Variants in XPNPEP2 observed in about 807,000 individuals in gnomAD.
The protein encoded by XPNPEP2 is X-prolyl aminopeptidase 2, also known as xaa-Pro aminopeptidase 2.
A neutral mutation model predicts 59.8 loss-of-function variants in XPNPEP2; 64 were observed. The observed-to-expected ratio is 1.07, with a 90% CI of 0.87 to 1.32. The LOEUF is 1.32. Ranked by LOEUF, XPNPEP2 falls within the 40% of genes most tolerant of loss-of-function variation. XPNPEP2 has a pLI of 0.00. For missense variants in XPNPEP2, 575 were observed against 546.8 expected, an observed-to-expected ratio of 1.05 and a Z score of -0.51; for synonymous variants, 235 against 210.0, an observed-to-expected ratio of 1.12 and a Z score of -1.03.
intron 19 of XPNPEP2, among the ~76,000 whole-genome samples, chrX:129,764,025 T>A (rs1790289587): frequency 9.1e-6 from 1 of 109,928 alleles, no homozygotes; most frequent in Non-Finnish European, 1.9e-5. Flanking sequence ...CTATATCAAT[T>A]CATTTATAAT....
intron 8 of XPNPEP2, 30 bp downstream of exon 8, chrX:129,750,599 C>G: frequency 2.7e-6 from 3 of 1,127,857 alleles, no homozygotes; most frequent in Middle Eastern, 3.4e-4. Context: ...CATGGGTGGG[C>G]GCCTGGGTCT....
At position 129,753,150 on chromosome X, in the gene XPNPEP2, C is replaced by T. The variant is rs771523416; in HGVS notation, c.1018-9C>T. On this transcript the variant is annotated splice_polypyrimidine_tract_variant and intron_variant, in intron 10 of 20. Coordinates refer to ENST00000371106, the MANE Select transcript of XPNPEP2 (RefSeq NM_003399.6). ...CCAGACCTCCTTTTCTCCTCCCTGCCCCCAACAGGAGAAACTCGTGACAGA... is the reference window on the plus strand; with the variant it reads ...CCAGACCTCCTTTTCTCCTCCCTGCTCCCAACAGGAGAAACTCGTGACAGA... 44 of 1,208,794 alleles carry T rather than the reference C, an allele frequency of 3.6e-5. No individual in the cohort carries two copies. The highest frequency in any genetic ancestry group is 4.9e-5 in the Non-Finnish European group (44 of 892,961).
chrX:129,745,656 C>T (rs916790772), intron 4 of XPNPEP2, among the ~76,000 whole-genome samples: 6 of 111,749 alleles, frequency 5.4e-5, no homozygotes, highest in East Asian at 2.8e-4. Flanking sequence ...GGTTGTTTTA[C>T]GGACAACATC....
At chrX:129,767,255 C>T (rs1926767165) in intron 19 of XPNPEP2, among the ~76,000 whole-genome samples, 1 of 112,137 alleles carries the variant, frequency 8.9e-6, no homozygotes, top group African/African-American at 3.2e-5. Context: ...GATTTCTGGG[C>T]CCTGCCCTAA....
intron 14 of XPNPEP2, among the ~76,000 whole-genome samples, chrX:129,758,086 G>A (rs1926589133): frequency 9.0e-6 from 1 of 111,213 alleles, no homozygotes; most frequent in African/African-American, 3.3e-5. Context: ...GGAAGCGTGG[G>A]GTGGGACAAA....
At chrX:129,757,377 G>A (rs1926545726) in intron 14 of XPNPEP2, among the ~76,000 whole-genome samples, 1 of 110,734 alleles carries the variant, frequency 9.0e-6, no homozygotes, top group Non-Finnish European at 1.9e-5. Flanking sequence ...CCAACGTCAT[G>A]CAGACTCCTC....
At position 129,739,410 on chromosome X, in the gene XPNPEP2, TG is replaced by T. The variant is rs767207660; in HGVS notation, c.49+153del. 1.8e-5 allele frequency: 10 copies of T among 541,200 alleles called. No homozygotes were observed. In the East Asian group the frequency reaches 3.0e-4, roughly 16 times the overall value. 44.6% of individuals were successfully genotyped at this position (541,200 alleles called of 1,213,427 possible). On this transcript the variant is annotated intron_variant, in intron 1 of 20. Coordinates refer to ENST00000371106, the MANE Select transcript of XPNPEP2 (RefSeq NM_003399.6). ...GGAAGAGACACCTCAGGGCCAGTGT[TG>T]GGGGCCCTCATAACTTGGATCGAGT... is the stretch of plus-strand genomic sequence containing the variant.
chrX:129,742,201 C>A lies in XPNPEP2; in HGVS notation c.123+20C>A, dbSNP rs755952225. The A allele has an allele frequency of 1.0e-6, 1 of 957,012 alleles. No homozygotes were observed. Among genetic ancestry groups the A allele is most frequent in the East Asian group, 4.5e-5 (1 of 22,393 alleles). The allele number at this position is 957,012 out of a possible 1,213,427, so 78.9% of individuals were successfully genotyped here. A position where few individuals can be genotyped will look rare whatever the true frequency, so the allele number is the denominator to read the frequency against. ...CCCCCTGTGAGTGCCCCCTGCCCCC[C>A]GCGCACGGCCCCCCTGGCCCCACGC... On this transcript the variant is annotated intron_variant, in intron 2 of 20. Transcript: ENST00000371106.
In XPNPEP2 at chrX:129,754,386, C is replaced by T. The variant is rs748155311; in HGVS notation, c.1108-86C>T. ...TTTTCAAAGCTCCACATCCTGGAGC[C>T]GCTATCTGATCTCCATCATCTTGGA... On this transcript the variant is annotated intron_variant, in intron 11 of 20. Transcript: ENST00000371106. 586 of 832,454 alleles carry T rather than the reference C, an allele frequency of 7.0e-4. 1 individual carries two copies. The highest frequency in any genetic ancestry group is 8.9e-4 in the Non-Finnish European group (536 of 601,486). The allele number at this position is 832,454 out of a possible 1,213,427, so 68.6% of individuals were successfully genotyped here.
intron 14 of XPNPEP2, 40 bp downstream of exon 14, chrX:129,756,595 T>C (rs1301843400): frequency 9.5e-6 from 11 of 1,163,659 alleles, no homozygotes; most frequent in Admixed American, 2.2e-5. Flanking sequence ...ATGTCTCTGC[T>C]CAGACCTCCT....
chrX:129,768,965 C>T lies in XPNPEP2; in HGVS notation c.*480C>T, dbSNP rs1347215512. On this transcript the variant is annotated 3_prime_UTR_variant, in exon 21 of 21. Transcript: ENST00000371106. ...CCAGCCAGGGCATGAAACATCAACC[C>T]CCCACATGTGAACCCATCATTCCTA... 8.8e-6 allele frequency: 1 copy of T among 113,642 alleles called. No homozygotes were observed. Among genetic ancestry groups the T allele is most frequent in the Non-Finnish European group, 1.8e-5 (1 of 54,365 alleles). 9.4% of individuals were successfully genotyped at this position (113,642 alleles called of 1,213,427 possible).
chrX:129,742,289 T>C (rs1409723750), intron 2 of XPNPEP2, 108 bp downstream of exon 2: 11 of 382,357 alleles, frequency 2.9e-5, no homozygotes, highest in Non-Finnish European at 4.5e-5. Context: ...TCTATCATCT[T>C]CTCTATCCCT....
Position 129,746,697 on chromosome X carries a change from A to C in XPNPEP2, c.490+16A>C. On this transcript the variant is annotated intron_variant, in intron 6 of 20. Transcript: ENST00000371106. ...TTGTCCATTGGTATGCTCTTCCTTCAGTCCCTGAATTTGTCCATGCTAACG... is the reference window on the plus strand; with the variant it reads ...TTGTCCATTGGTATGCTCTTCCTTCCGTCCCTGAATTTGTCCATGCTAACG... 1.3e-5 allele frequency: 15 copies of C among 1,197,348 alleles called. No individual in the cohort carries two copies. Among genetic ancestry groups the C allele is most frequent in the Non-Finnish European group, 1.6e-5 (14 of 883,149 alleles).
rs143695947 is a variant in XPNPEP2 at position 129,745,226 on chromosome X, C to T, written c.258C>T (p.Asp86=). The T allele has an allele frequency of 1.4e-3, 1,690 of 1,209,557 alleles. 9 individuals carry two copies. The highest frequency in any genetic ancestry group is 5.0e-3 in the East Asian group (169 of 33,769). ...AGAACGAGTACATCGGCCAACATGA[C>T]GAGAGGCGTGCGTGGATTACAGGCT... is the stretch of plus-strand genomic sequence containing the variant. The part of the protein sequence containing the change: ...AHMNEYIGQH[D]ERRAWITGFT... Residue 86 remains aspartate (D), a synonymous_variant, in exon 4 of 21, where the codon GAC becomes GAT. Coordinates refer to ENST00000371106, the MANE Select transcript of XPNPEP2 (RefSeq NM_003399.6).
intron 12 of XPNPEP2, 130 bp downstream of exon 12, chrX:129,754,711 G>A: frequency 1.6e-6 from 1 of 617,969 alleles, no homozygotes; most frequent in Non-Finnish European, 2.5e-6. Flanking sequence ...GTGGGGGAGG[G>A]CTCTGGAGAA....
chrX:129,760,663 G>A (rs1404414492), intron 16 of XPNPEP2, 82 bp downstream of exon 16: 5 of 1,021,478 alleles, frequency 4.9e-6, no homozygotes, highest in Non-Finnish European at 6.8e-6. Flanking sequence ...AGGCTGGTGG[G>A]GCAAGGATTT....
At chrX:129,758,230 C>G (rs941337203) in intron 14 of XPNPEP2, among the ~76,000 whole-genome samples, 1 of 111,889 alleles carries the variant, frequency 8.9e-6, no homozygotes, top group East Asian at 2.8e-4. Flanking sequence ...AGCTTAGCAG[C>G]CTTTGCTGGT....
In XPNPEP2 at chrX:129,742,944, G is replaced by A. The variant is rs967544093; in HGVS notation, c.123+763G>A. Reference sequence around the variant, plus strand: ...AAACCAAAACCAAAGAAGAGCCAACGGAAGGGCAAGAGAGGGAGGCCTAGG... The same window carrying A: ...AAACCAAAACCAAAGAAGAGCCAACAGAAGGGCAAGAGAGGGAGGCCTAGG... On this transcript the variant is annotated intron_variant, in intron 2 of 20. Transcript: ENST00000371106. 2.2e-4 allele frequency among the ~76,000 whole-genome samples: 25 copies of A among 111,679 alleles called. No individual in the cohort carries two copies. The East Asian group carries it at 4.0e-3, about 18-fold the overall frequency.
rs1001154670 is a variant in XPNPEP2, at chrX:129,755,023, A to G, written c.1218-271A>G. On this transcript the variant is annotated intron_variant, in intron 12 of 20. Coordinates refer to ENST00000371106, the MANE Select transcript of XPNPEP2 (RefSeq NM_003399.6). ...CTCCCAGGACTGGGGGAGTTTTCAG[A>G]TACAGAGAGCTGGGTTTCTTCACTC... is the stretch of plus-strand genomic sequence containing the variant. Among the ~76,000 whole-genome samples the G allele has an allele frequency of 6.5e-4, 73 of 111,752 alleles. 1 individual carries two copies. The highest frequency in any genetic ancestry group is 2.8e-4 in the Admixed American group (3 of 10,603).
Sources: allele counts gnomAD v4.1 joint callset (sites outside exome capture counted in the v4.1 genomes callset), GRCh38; gene constraint gnomAD v4.1.1; transcripts MANE v1.5; gene names NCBI Gene and HGNC (gene_info 2026-07-23, HGNC 2026-07-21).